Variants in ADARB1 observed in about 807,000 individuals in gnomAD.
The protein encoded by ADARB1 is double-stranded RNA-specific editase 1.
ADARB1 carries 10 observed loss-of-function variants against 52.4 expected under a neutral mutation model. That is an observed-to-expected ratio of 0.19 (90% CI 0.12 to 0.32). The LOEUF (loss-of-function observed/expected upper bound fraction) is 0.32. ADARB1 is among the 10% of genes least tolerant of loss of function. The pLI is 1.00. For synonymous variants in ADARB1, 349 were observed against 371.1 expected (o/e 0.94, Z 0.68); for missense variants, 643 against 922.3 (o/e 0.70, Z 3.92).
intron 2 of ADARB1, among the ~76,000 whole-genome samples, chr21:45,165,378 AT>A (rs2146073507): frequency 6.6e-6 from 1 of 152,286 alleles, no homozygotes; most frequent in African/African-American, 2.4e-5. Flanking sequence ...GTACATTATT[AT>A]TCTTATTTTA....
rs2090787770 is a variant in ADARB1 at position 45,158,505 on chromosome 21, G to A, written c.-47-13105G>A. Reference sequence around the variant, plus strand: ...ATAAATGCCTTAGATTTGCAAAATTGGGTCAGAGAGTTTAGGGATCTTTGG... The same window carrying A: ...ATAAATGCCTTAGATTTGCAAAATTAGGTCAGAGAGTTTAGGGATCTTTGG... On this transcript the variant is annotated intron_variant, in intron 2 of 10. Transcript: ENST00000348831. Among the ~76,000 whole-genome samples, 3 of 152,174 alleles carry A rather than the reference G, an allele frequency of 2.0e-5. No individual in the cohort carries two copies. In the South Asian group the frequency reaches 6.2e-4, roughly 31 times the overall value.
chr21:45,077,965 G>C (rs569119531), intron 1 of ADARB1, among the ~76,000 whole-genome samples: 35 of 152,292 alleles, frequency 2.3e-4, no homozygotes, highest in African/African-American at 7.7e-4. Flanking sequence ...CTTCGTGGCA[G>C]GGCTTACCGC....
intron 9 of ADARB1, among the ~76,000 whole-genome samples, chr21:45,216,246 T>C (rs7281757): frequency 0.69 from 105,513 of 151,904 alleles, 37,153 homozygotes; most frequent in African/African-American, 0.81. Context: ...CAATTCTGTT[T>C]GTCTCTAAGT....
intron 2 of ADARB1, among the ~76,000 whole-genome samples, chr21:45,151,651 C>T (rs948526627): frequency 3.3e-5 from 5 of 152,290 alleles, no homozygotes; most frequent in African/African-American, 4.8e-5. Flanking sequence ...CTCCCTGGGG[C>T]CTGAACAGCG....
At chr21:45,111,102 A>G (rs1214464400) in intron 1 of ADARB1, among the ~76,000 whole-genome samples, 6 of 152,138 alleles carry the variant, frequency 3.9e-5, no homozygotes, top group Non-Finnish European at 7.4e-5. Flanking sequence ...TGAGTGAAGC[A>G]TTGCAGAGCC....
chr21:45,093,403 T>A (rs373249), intron 1 of ADARB1, among the ~76,000 whole-genome samples: 61 of 152,316 alleles, frequency 4.0e-4, no homozygotes, highest in African/African-American at 1.4e-3. Flanking sequence ...ATTGGCAGGT[T>A]TCCACAGGCC....
chr21:45,093,038 A>G (rs993624198), intron 1 of ADARB1, among the ~76,000 whole-genome samples: 3 of 152,088 alleles, frequency 2.0e-5, no homozygotes, highest in Admixed American at 6.5e-5. Context: ...AACCCTTCTG[A>G]TGAGTCTCAG....
intron 4 of ADARB1, 74 bp from the exon 5 acceptor site, chr21:45,180,256 G>A (rs542300080): frequency 7.7e-6 from 8 of 1,039,302 alleles, no homozygotes; most frequent in Admixed American, 1.9e-5. Flanking sequence ...GGGAGAGTGC[G>A]TGCAGCATTG....
intron 8 of ADARB1, among the ~76,000 whole-genome samples, chr21:45,186,915 G>A (rs944639508): frequency 1.3e-5 from 2 of 152,132 alleles, no homozygotes. Context: ...GTGTCATGCT[G>A]TTTTGATTAC....
In ADARB1 at chr21:45,223,606, T is replaced by C. The variant is rs2146480027; in HGVS notation, c.*1409T>C. On this transcript the variant is annotated 3_prime_UTR_variant, in exon 11 of 11. Coordinates refer to ENST00000348831, the MANE Select transcript of ADARB1 (RefSeq NM_001112.4). ...GGTCTCCTGGGGCCATGGGGAGAGATTGGTGCAGACCTTACCCCACAGCAT... is the reference window on the plus strand; with the variant it reads ...GGTCTCCTGGGGCCATGGGGAGAGACTGGTGCAGACCTTACCCCACAGCAT... The C allele has an allele frequency of 1.0e-6, 1 of 985,628 alleles. No homozygotes were observed. The highest frequency in any genetic ancestry group is 1.2e-6 in the Non-Finnish European group (1 of 830,178). The allele number at this position is 985,628 out of a possible 1,614,324, so 61.1% of individuals were successfully genotyped here.
At chr21:45,181,334 C>T (rs1204560495) in intron 5 of ADARB1, 1 of 152,680 alleles carries the variant, frequency 6.5e-6, no homozygotes. Context: ...AACCTGGCTG[C>T]TCTGCTCATG....
chr21:45,183,122 T>C (rs2091985011), intron 6 of ADARB1, among the ~76,000 whole-genome samples: 1 of 152,256 alleles, frequency 6.6e-6, no homozygotes, highest in African/African-American at 2.4e-5. Context: ...AAGCCATTTT[T>C]TGTATGTGGT....
intron 2 of ADARB1, among the ~76,000 whole-genome samples, chr21:45,134,296 G>C (rs1411197770): frequency 9.9e-6 from 1 of 100,552 alleles, no homozygotes; most frequent in African/African-American, 3.7e-5. Context: ...GGGGGTGTGT[G>C]CCCGACAGTG....
In ADARB1 at chr21:45,204,123, G is replaced by A. The variant is rs1261671621; in HGVS notation, c.1566-432G>A. Reference sequence around the variant, plus strand: ...AAGATCGCACCACACTCCTCAGAACGGCATACAGTTGAAAGTCTGGAAGTG... The same window carrying A: ...AAGATCGCACCACACTCCTCAGAACAGCATACAGTTGAAAGTCTGGAAGTG... On this transcript the variant is annotated intron_variant, in intron 8 of 10. Coordinates refer to ENST00000348831, the MANE Select transcript of ADARB1 (RefSeq NM_001112.4). The surrounding 1 kb of genome is among the most constrained non-coding windows in gnomAD (Gnocchi z 4.4). Among the ~76,000 whole-genome samples, 1 of 152,154 alleles carries A rather than the reference G, an allele frequency of 6.6e-6. No individual in the cohort carries two copies. Among genetic ancestry groups the A allele is most frequent in the Non-Finnish European group, 1.5e-5 (1 of 68,028 alleles).
chr21:45,100,743 C>G (rs936882979), intron 1 of ADARB1: 1 of 152,544 alleles, frequency 6.6e-6, no homozygotes, highest in Admixed American at 6.5e-5. Context: ...GGGCGGCTGT[C>G]AAGCGTCTCT....
In ADARB1 at chr21:45,123,360, G is replaced by A. The variant is rs185178382; in HGVS notation, c.-219-5042G>A. 3.3e-5 allele frequency among the ~76,000 whole-genome samples: 5 copies of A among 152,274 alleles called. No homozygotes were observed. In the East Asian group the frequency reaches 9.6e-4, roughly 29 times the overall value. ...GCTCTGTGGCCCAGGCCAGAATGCAGTGGTGTGATCACAGTTCTCTGCAGT... is the reference window on the plus strand; with the variant it reads ...GCTCTGTGGCCCAGGCCAGAATGCAATGGTGTGATCACAGTTCTCTGCAGT... On this transcript the variant is annotated intron_variant, in intron 1 of 10. Coordinates refer to ENST00000348831, the MANE Select transcript of ADARB1 (RefSeq NM_001112.4).
At chr21:45,174,878 G>A (rs2146141123) in intron 3 of ADARB1, among the ~76,000 whole-genome samples, 1 of 152,136 alleles carries the variant, frequency 6.6e-6, no homozygotes, top group Non-Finnish European at 1.5e-5. Flanking sequence ...TCAAATAATT[G>A]TTTTAAAAAA....
At chr21:45,083,981 G>A (rs1355911582) in intron 1 of ADARB1, among the ~76,000 whole-genome samples, 1 of 152,212 alleles carries the variant, frequency 6.6e-6, no homozygotes, top group South Asian at 2.1e-4. Context: ...GATTACAGGC[G>A]GAGCCATTGC....
In ADARB1 at chr21:45,208,238, C is replaced by T. The variant is rs754969690; in HGVS notation, c.1747+3502C>T. Among the ~76,000 whole-genome samples, 2 of 152,184 alleles carry T rather than the reference C, an allele frequency of 1.3e-5. No homozygotes were observed. Among genetic ancestry groups the T allele is most frequent in the African/African-American group, 2.4e-5 (1 of 41,436 alleles). On this transcript the variant is annotated intron_variant, in intron 9 of 10. Coordinates refer to ENST00000348831, the MANE Select transcript of ADARB1 (RefSeq NM_001112.4). This position sits in a 1 kb window ranked among gnomAD's most constrained non-coding sequence, Gnocchi z 5.6. ...AACCAAGAAGAAGGAGCAGGGTGCCCAAATGCCGCATGCGATGGCTCTGGG... is the reference window on the plus strand; with the variant it reads ...AACCAAGAAGAAGGAGCAGGGTGCCTAAATGCCGCATGCGATGGCTCTGGG...
Sources: allele counts gnomAD v4.1 joint callset (sites outside exome capture counted in the v4.1 genomes callset), GRCh38; gene constraint gnomAD v4.1.1; non-coding constraint Gnocchi (gnomAD v3.1); transcripts MANE v1.5; gene names NCBI Gene and HGNC (gene_info 2026-07-23, HGNC 2026-07-21).